SERPINB11: variants seen among roughly 807,000 people sequenced by gnomAD.
SERPINB11 encodes the protein serpin B11.
Under a neutral mutation model 36.7 loss-of-function variants are expected in SERPINB11, and 32 were observed. That is an observed-to-expected ratio of 0.87 (90% CI 0.66 to 1.17). SERPINB11 has a LOEUF of 1.17. SERPINB11 is among the 50% of genes most tolerant of loss of function. The pLI is 0.00. For synonymous variants in SERPINB11, 174 were observed against 168.1 expected, an observed-to-expected ratio of 1.04 and a Z score of -0.27; for missense variants, 528 against 458.4, an observed-to-expected ratio of 1.15 and a Z score of -1.39.
upstream of SERPINB11, chr18:63,702,887 C>T (rs1914274092): frequency 1.3e-5 from 2 of 151,782 alleles, no homozygotes. Context: ...AGAGCTGAAT[C>T]ACTAAGGGCA....
intron 3 of SERPINB11, 29 bp from the exon 4 acceptor site, chr18:63,712,536 A>G (rs748510320): frequency 1.9e-6 from 3 of 1,612,542 alleles, no homozygotes; most frequent in Admixed American, 1.7e-5. Context: ...GCAATTTAAT[A>G]CATCATTCTT....
rs762548680 is a variant in SERPINB11 at position 63,720,061 on chromosome 18, T to C, written c.524T>C (p.Val175Ala). ...AAGAGCACAATTGACCCTTCATCTG[T>C]AATGGTCCTGGTGAATGCCATATAT... ...FGKSTIDPSS[V>A]MVLVNAIYFK... The change falls in exon 6 of 8, where the codon GTA (valine) becomes GCA (alanine). Residue 175 changes from valine (V) to alanine (A), a missense_variant. Transcript: ENST00000544088. The C allele has an allele frequency of 1.2e-6, 2 of 1,610,266 alleles. No individual in the cohort carries two copies. Among genetic ancestry groups the C allele is most frequent in the Non-Finnish European group, 1.7e-6 (2 of 1,177,292 alleles).
chr18:63,716,031 A>T lies in SERPINB11; in HGVS notation c.358-4A>T, dbSNP rs1238331160. ...TTGTTGTTCAATTATCATGTCTTTCATAGCAATATTTAAGCTGTTCTGAGA... is the reference window on the plus strand; with the variant it reads ...TTGTTGTTCAATTATCATGTCTTTCTTAGCAATATTTAAGCTGTTCTGAGA... On this transcript the variant is annotated splice_polypyrimidine_tract_variant and splice_region_variant and intron_variant, in intron 4 of 7. Transcript: ENST00000544088. 4 of 1,580,036 alleles carry T rather than the reference A, an allele frequency of 2.5e-6. No individual in the cohort carries two copies.
chr18:63,714,194 C>G (rs182807197), intron 4 of SERPINB11, among the ~76,000 whole-genome samples: 142 of 152,186 alleles, frequency 9.3e-4, no homozygotes, highest in Non-Finnish European at 1.4e-3. Flanking sequence ...ATGAAGCCCC[C>G]CAAGCCGCAA....
chr18:63,723,700 T>G lies in SERPINB11; in HGVS notation c.*301T>G, dbSNP rs372212016. On this transcript the variant is annotated 3_prime_UTR_variant, in exon 8 of 8. Transcript: ENST00000544088. ...ATGAGTAAAATTTTAAGGGATTAGA[T>G]TTTCTTGACTTGTATGTATCTGTGA... 4 of 264,104 alleles carry G rather than the reference T, an allele frequency of 1.5e-5. No homozygotes were observed. The highest frequency in any genetic ancestry group is 8.8e-5 in the African/African-American group (4 of 45,500). 16.4% of individuals were successfully genotyped at this position (264,104 alleles called of 1,614,324 possible).
rs181708322 is a variant in SERPINB11, at chr18:63,723,397, T to G, written c.1177T>G (p.Ter393GluextTer43). The G allele has an allele frequency of 5.0e-4, 795 of 1,598,464 alleles. 1 individual carries two copies. In the African/African-American group the frequency reaches 0.01, roughly 20 times the overall value. ...ATTCTGTGGCAAGCTTGCCTCTCCCTAATCAGATGGGGTTGAGCAAGGCTC... is the reference window on the plus strand; with the variant it reads ...ATTCTGTGGCAAGCTTGCCTCTCCCGAATCAGATGGGGTTGAGCAAGGCTC... Reference protein sequence around the residue: ...ILFCGKLASP* With the variant: ...ILFCGKLASPE The change falls in exon 8 of 8, where the codon TAA becomes GAA. Residue 393 changes from the stop codon to glutamate (E), a stop_lost. Transcript: ENST00000544088.
chr18:63,703,325 T>C (rs1378749132), intron 1 of SERPINB11, among the ~76,000 whole-genome samples: 1 of 152,224 alleles, frequency 6.6e-6, no homozygotes, highest in African/African-American at 2.4e-5. Context: ...ATGCATGCTG[T>C]GGCCTCTGTG....
At position 63,710,198 on chromosome 18, in the gene SERPINB11, GT is replaced by G. The variant is rs777792983; in HGVS notation, c.7del (p.Ser3LeufsTer17). 11 of 1,603,892 alleles carry G rather than the reference GT, an allele frequency of 6.9e-6. No individual in the cohort carries two copies. Among genetic ancestry groups the G allele is most frequent in the Non-Finnish European group, 9.4e-6 (11 of 1,175,652 alleles). On this transcript the variant is annotated frameshift_variant, in exon 2 of 8. Coordinates refer to ENST00000544088, the MANE Select transcript of SERPINB11 (RefSeq NM_001370475.1). LOFTEE classifies it high-confidence loss of function. M[G>X]SLSTANVEFC... ...TCTCAGGCAGTCGGCATAAAAATGG[GT>G]TCTCTCAGCACAGCTAACGTTGAAT...
Position 63,720,159 on chromosome 18 carries a change from A to C in SERPINB11, c.618+4A>C. On this transcript the variant is annotated splice_donor_region_variant and intron_variant, in intron 6 of 7. Coordinates refer to ENST00000544088, the MANE Select transcript of SERPINB11 (RefSeq NM_001370475.1). ...AAGTCCTTTTCAGCTAAGTGAGGTA[A>C]GTATTTTATTTTCAGACTCATGACA... 3 of 1,595,514 alleles carry C rather than the reference A, an allele frequency of 1.9e-6. No homozygotes were observed. Among genetic ancestry groups the C allele is most frequent in the Non-Finnish European group, 2.6e-6 (3 of 1,167,008 alleles).
intron 4 of SERPINB11, 37 bp from the exon 5 acceptor site, chr18:63,715,998 C>T (rs1914656709): frequency 1.4e-6 from 2 of 1,406,874 alleles, no homozygotes; most frequent in Non-Finnish European, 9.9e-7. Flanking sequence ...CCTTACACTG[C>T]TTTTGAATTG....
At position 63,720,154 on chromosome 18, in the gene SERPINB11, A is replaced by C. The variant is rs773791202; in HGVS notation, c.617A>C (p.Glu206Ala). Residue 206 changes from glutamate (E) to alanine (A), a missense_variant and splice_region_variant, in exon 6 of 8, where the codon GAG (glutamate) becomes GCG (alanine). Coordinates refer to ENST00000544088, the MANE Select transcript of SERPINB11 (RefSeq NM_001370475.1). ...ETVKSPFQLS[E>A]GKNVTVEMMY... Reference sequence around the variant, plus strand: ...GTTAAAAGTCCTTTTCAGCTAAGTGAGGTAAGTATTTTATTTTCAGACTCA... The same window carrying C: ...GTTAAAAGTCCTTTTCAGCTAAGTGCGGTAAGTATTTTATTTTCAGACTCA... 6.2e-7 allele frequency: 1 copy of C among 1,602,548 alleles called. No individual in the cohort carries two copies. Among genetic ancestry groups the C allele is most frequent in the South Asian group, 1.1e-5 (1 of 90,364 alleles).
At position 63,714,986 on chromosome 18, in the gene SERPINB11, A is replaced by G. The variant is rs933690264; in HGVS notation, c.358-1049A>G. On this transcript the variant is annotated intron_variant, in intron 4 of 7. Coordinates refer to ENST00000544088, the MANE Select transcript of SERPINB11 (RefSeq NM_001370475.1). ...AAAGACAGGTGTAAGAAATTATAAAAGTATTAATTTGAGGAACTAATAAAT... is the reference window on the plus strand; with the variant it reads ...AAAGACAGGTGTAAGAAATTATAAAGGTATTAATTTGAGGAACTAATAAAT... Among the ~76,000 whole-genome samples, 5 of 152,342 alleles carry G rather than the reference A, an allele frequency of 3.3e-5. No homozygotes were observed. The South Asian group carries it at 8.3e-4, about 25-fold the overall frequency.
chr18:63,722,058 G>C (rs545355859), intron 7 of SERPINB11, among the ~76,000 whole-genome samples: 57 of 152,298 alleles, frequency 3.7e-4, no homozygotes, highest in Admixed American at 3.7e-3. Flanking sequence ...CTTGCTGGAT[G>C]AATAGGAGAA....
Position 63,720,945 on chromosome 18 carries a change from A to C in SERPINB11, c.733A>C (p.Met245Leu). Residue 245 changes from methionine (M) to leucine (L), a missense_variant, in exon 7 of 8, where the codon ATG becomes CTG. Physicochemically the swap from Met to Leu is conservative, Grantham distance 15. Transcript: ENST00000544088. ...ELPYVNNKLS[M>L]IILLPVGIAN... is the part of the protein sequence containing the mutation. The stretch of plus-strand genomic sequence containing the variant: ...GCCCTACGTTAACAACAAATTAAGC[A>C]TGATTATTCTGCTTCCAGTAGGCAT... 6.2e-7 allele frequency: 1 copy of C among 1,610,098 alleles called. No individual in the cohort carries two copies. Among genetic ancestry groups the C allele is most frequent in the South Asian group, 1.1e-5 (1 of 90,380 alleles).
chr18:63,702,445 G>C (rs1312803807), upstream of SERPINB11: 6 of 152,106 alleles, frequency 3.9e-5, no homozygotes, highest in African/African-American at 1.2e-4. Flanking sequence ...ACAAAAATTA[G>C]CTGGGTGTGG....
chr18:63,709,584 C>G (rs2061324680), intron 1 of SERPINB11, among the ~76,000 whole-genome samples: 1 of 126,610 alleles, frequency 7.9e-6, no homozygotes, highest in African/African-American at 2.6e-5. Flanking sequence ...GCACTCCAGT[C>G]TGGGCGACAG....
intron 4 of SERPINB11, among the ~76,000 whole-genome samples, chr18:63,715,574 C>A (rs573658853): frequency 6.6e-6 from 1 of 152,212 alleles, no homozygotes; most frequent in South Asian, 2.1e-4. Flanking sequence ...ATATTTATGG[C>A]AGCTTGTGAG....
intron 1 of SERPINB11, among the ~76,000 whole-genome samples, chr18:63,707,624 T>C (rs1914405885): frequency 6.6e-6 from 1 of 152,226 alleles, no homozygotes; most frequent in African/African-American, 2.4e-5. Context: ...TATTATCTCC[T>C]CCAGGAAGGC....
intron 1 of SERPINB11, among the ~76,000 whole-genome samples, chr18:63,707,085 T>C (rs570542229): frequency 1.4e-4 from 21 of 152,124 alleles, no homozygotes; most frequent in African/African-American, 1.9e-4. Context: ...ACTTGGGACA[T>C]AGAATTTCCT....
Sources: allele counts gnomAD v4.1 joint callset (sites outside exome capture counted in the v4.1 genomes callset), GRCh38; gene constraint gnomAD v4.1.1; transcripts MANE v1.5; gene names NCBI Gene and HGNC (gene_info 2026-07-23, HGNC 2026-07-21).